Variants in FOXP1 observed in about 807,000 individuals in gnomAD.
FOXP1 encodes the protein forkhead box protein P1.
In FOXP1, 15 loss-of-function variants were observed where a neutral mutation model predicts 98.2. The ratio of observed to expected loss-of-function variants is 0.15; its 90% CI spans 0.10 to 0.24. The LOEUF is 0.24. Ranked by LOEUF, FOXP1 falls within the 10% of genes least tolerant of loss-of-function variation. FOXP1 has a pLI of 1.00. For synonymous variants in FOXP1, 371 were observed against 314.5 expected (o/e 1.18, Z -1.90); for missense variants, 633 against 848.5 (o/e 0.75, Z 3.15).
At chr3:71,092,299 G>A (rs1434272992) in intron 7 of FOXP1, among the ~76,000 whole-genome samples, 1 of 151,940 alleles carries the variant, frequency 6.6e-6, no homozygotes, top group Non-Finnish European at 1.5e-5. Context: ...TGAACCTGGT[G>A]AGTTAGGGAG....
At chr3:71,438,524 A>G (rs1316804421) in intron 3 of FOXP1, among the ~76,000 whole-genome samples, 1 of 152,106 alleles carries the variant, frequency 6.6e-6, no homozygotes, top group Non-Finnish European at 1.5e-5. Context: ...ATCCTAGCAC[A>G]GTAGGGATTT....
At chr3:71,462,457 T>TCAGCC (rs1491001281) in intron 3 of FOXP1, among the ~76,000 whole-genome samples, 4 of 152,114 alleles carry the variant, frequency 2.6e-5, no homozygotes, top group Admixed American at 6.5e-5. Context: ...AGAGGTACAC[T>TCAGCC]CAGCCTCACA....
chr3:70,976,353 C>T (rs553088324), intron 17 of FOXP1, among the ~76,000 whole-genome samples: 33 of 152,084 alleles, frequency 2.2e-4, no homozygotes, highest in Admixed American at 1.8e-3. Flanking sequence ...TGTGCCTGGC[C>T]GACAATCTCT....
chr3:71,418,770 C>G (rs1210248264), intron 3 of FOXP1, among the ~76,000 whole-genome samples: 3 of 152,098 alleles, frequency 2.0e-5, no homozygotes, highest in Non-Finnish European at 2.9e-5. Context: ...ACCAATACCA[C>G]TGTCACTATC....
chr3:71,582,299 A>C, intron 1 of FOXP1: 1 of 973,776 alleles, frequency 1.0e-6, no homozygotes, highest in South Asian at 4.7e-5. Flanking sequence ...GGGAGGCGGG[A>C]GGCGGGGGCG....
chr3:71,248,945 G>A (rs889791211), intron 5 of FOXP1, among the ~76,000 whole-genome samples: 7 of 152,148 alleles, frequency 4.6e-5, no homozygotes, highest in Non-Finnish European at 7.3e-5. Flanking sequence ...AGTGGGAAGG[G>A]TAGGAAGGAG....
chr3:71,290,218 C>A lies in FOXP1; in HGVS notation c.-12+9602G>T, dbSNP rs530549519. On this transcript the variant is annotated intron_variant, in intron 5 of 20. Transcript: ENST00000649528. The stretch of plus-strand genomic sequence containing the variant: ...ATTTTAGTGATGGGAGCACCACCTT[C>A]TATCAGTTCCTTAGAACAGAAAGCA... Among the ~76,000 whole-genome samples the A allele has an allele frequency of 2.0e-5, 3 of 152,272 alleles. No homozygotes were observed. The South Asian group carries it at 6.2e-4, about 32-fold the overall frequency.
At chr3:71,015,433 C>T (rs1328272477) in intron 12 of FOXP1, 116 bp downstream of exon 12, 1 of 684,278 alleles carries the variant, frequency 1.5e-6, no homozygotes, top group Admixed American at 2.1e-5. Flanking sequence ...ATTTAGAGTC[C>T]ACTCTCAAAG....
At chr3:71,287,081 G>T (rs1361947941) in intron 5 of FOXP1, among the ~76,000 whole-genome samples, 1 of 152,004 alleles carries the variant, frequency 6.6e-6, no homozygotes, top group East Asian at 1.9e-4. Context: ...GTAATAACTT[G>T]GGAAAACACT....
At chr3:71,213,250 G>T (rs748691688) in intron 5 of FOXP1, among the ~76,000 whole-genome samples, 5 of 152,162 alleles carry the variant, frequency 3.3e-5, no homozygotes, top group Non-Finnish European at 5.9e-5. Context: ...CCTGTGCCTT[G>T]TTTGTCCATG....
At chr3:71,392,112 T>C (rs1343214777) in intron 3 of FOXP1, among the ~76,000 whole-genome samples, 2 of 152,248 alleles carry the variant, frequency 1.3e-5, no homozygotes, top group African/African-American at 4.8e-5. Context: ...GGTTATGATA[T>C]CAGATTGGTC....
At chr3:71,512,158 G>T (rs2042247292) in intron 2 of FOXP1, among the ~76,000 whole-genome samples, 1 of 152,184 alleles carries the variant, frequency 6.6e-6, no homozygotes, top group Admixed American at 6.5e-5. Context: ...TAGTAATTAA[G>T]TGGAGGGGAA....
chr3:71,542,683 GGA>G (rs999297505), intron 2 of FOXP1, among the ~76,000 whole-genome samples: 1 of 152,252 alleles, frequency 6.6e-6, no homozygotes, highest in Non-Finnish European at 1.5e-5. Context: ...GACACACAGA[GGA>G]GAGTGTGAGC....
chr3:71,166,728 AC>A (rs2061415261), intron 6 of FOXP1, among the ~76,000 whole-genome samples: 1 of 152,194 alleles, frequency 6.6e-6, no homozygotes, highest in African/African-American at 2.4e-5. Flanking sequence ...TACTTTTACA[AC>A]CAGAAAGCAT....
intron 3 of FOXP1, among the ~76,000 whole-genome samples, chr3:71,407,661 C>CGTGTGTGTGTGTGTGTGTGT (rs112188528): frequency 3.2e-4 from 48 of 150,022 alleles, no homozygotes; most frequent in Admixed American, 5.3e-4. Flanking sequence ...AAGAACTGTG[C>CGTGTGTGTGTGTGTGTGTGT]GTGTGTGTGT....
At position 71,372,869 on chromosome 3, in the gene FOXP1, G is replaced by A. The variant is rs141277697; in HGVS notation, c.-167-13625C>T. 5.7e-3 allele frequency among the ~76,000 whole-genome samples: 862 copies of A among 152,254 alleles called. 13 individuals are homozygous for A. Among genetic ancestry groups the A allele is most frequent in the African/African-American group, 0.02 (837 of 41,556 alleles). On this transcript the variant is annotated intron_variant, in intron 3 of 20. Transcript: ENST00000649528. ...GCATCAGAAATTGACTTGGGTTGAG[G>A]ACTGGAAGAGATTCTCCCTTCTATG...
At chr3:71,481,660 C>G (rs1186651759) in intron 3 of FOXP1, among the ~76,000 whole-genome samples, 1 of 152,142 alleles carries the variant, frequency 6.6e-6, no homozygotes. Flanking sequence ...TAAATTCTGA[C>G]TTGGTGACAA....
rs376368217 is a variant in FOXP1 at position 70,985,816 on chromosome 3, T to G, written c.1146+2178A>C. ...GGTTTACATCTTGGAGTTCTTTATA[T>G]TGGCTTGTAGCGCTGCTCTAGCTGT... is the stretch of plus-strand genomic sequence containing the variant. On this transcript the variant is annotated intron_variant, in intron 14 of 20. Coordinates refer to ENST00000649528, the MANE Select transcript of FOXP1 (RefSeq NM_001349338.3). Among the ~76,000 whole-genome samples, 5 of 152,196 alleles carry G rather than the reference T, an allele frequency of 3.3e-5. No individual in the cohort carries two copies. The East Asian group carries it at 7.7e-4, about 23-fold the overall frequency.
At chr3:71,374,129 G>A (rs1042429474) in intron 3 of FOXP1, among the ~76,000 whole-genome samples, 2 of 152,148 alleles carry the variant, frequency 1.3e-5, no homozygotes, top group African/African-American at 4.8e-5. Flanking sequence ...AAAACGTATG[G>A]AATGAATGAA....
Sources: gnomAD v4.1 joint callset for allele counts (sites outside exome capture counted in the v4.1 genomes callset) on GRCh38, gnomAD v4.1.1 for gene constraint, MANE v1.5 for transcripts, NCBI Gene and HGNC (gene_info 2026-07-23, HGNC 2026-07-21) for gene names.